The following IL1RAPL2 variants were observed in gnomAD, a reference collection of about 807,000 sequenced individuals.
The protein encoded by IL1RAPL2 is X-linked interleukin-1 receptor accessory protein-like 2.
In IL1RAPL2, 3 loss-of-function variants were observed where a neutral mutation model predicts 44.1. That is an observed-to-expected ratio of 0.07 (90% confidence interval 0.03 to 0.18). The LOEUF is 0.18. Ranked by LOEUF, IL1RAPL2 falls within the 10% of genes least tolerant of loss-of-function variation. The probability of loss-of-function intolerance (pLI) is 1.00; values close to 1 mark genes in which losing one functional copy is unlikely to be tolerated. For synonymous variants in IL1RAPL2, 181 were observed against 178.8 expected, an observed-to-expected ratio of 1.01 and a Z score of -0.10; for missense variants, 391 against 496.4, an observed-to-expected ratio of 0.79 and a Z score of 2.02.
intron 2 of IL1RAPL2, among the ~76,000 whole-genome samples, chrX:104,986,902 C>T (rs2030571463): frequency 8.9e-6 from 1 of 112,202 alleles, no homozygotes; most frequent in Non-Finnish European, 1.9e-5. Flanking sequence ...TGGACCAATA[C>T]TTACTCTTCT....
intron 2 of IL1RAPL2, among the ~76,000 whole-genome samples, chrX:104,910,700 T>C (rs1924208638): frequency 8.9e-6 from 1 of 112,082 alleles, no homozygotes; most frequent in African/African-American, 3.2e-5. Flanking sequence ...TTGTTCCTAA[T>C]AGTTTTTAAA....
At chrX:105,746,029 T>C (rs996207642) in intron 8 of IL1RAPL2, among the ~76,000 whole-genome samples, 1 of 111,848 alleles carries the variant, frequency 8.9e-6, no homozygotes, top group African/African-American at 3.3e-5. Context: ...TTACAACATA[T>C]GCATTTTGAA....
intron 6 of IL1RAPL2, among the ~76,000 whole-genome samples, chrX:105,603,326 G>A (rs1157696527): frequency 9.1e-6 from 1 of 109,566 alleles, no homozygotes; most frequent in Non-Finnish European, 1.9e-5. Context: ...CACTGAAAGT[G>A]AAGGGATGTA....
At chrX:105,539,705 G>A (rs1401229527) in intron 6 of IL1RAPL2, among the ~76,000 whole-genome samples, 1 of 111,521 alleles carries the variant, frequency 9.0e-6, no homozygotes, top group Non-Finnish European at 1.9e-5. Context: ...GCTCTGCACA[G>A]CAAAAGAAAC....
At chrX:105,323,603 C>T (rs1347272952) in intron 5 of IL1RAPL2, among the ~76,000 whole-genome samples, 8 of 111,622 alleles carry the variant, frequency 7.2e-5, no homozygotes, top group Non-Finnish European at 1.3e-4. Flanking sequence ...CAGCCAGGCG[C>T]GGTGGCTCAT....
intron 5 of IL1RAPL2, among the ~76,000 whole-genome samples, chrX:105,452,741 C>T (rs1238763374): frequency 9.0e-6 from 1 of 110,766 alleles, no homozygotes; most frequent in Non-Finnish European, 1.9e-5. Flanking sequence ...TCTCAAAGAA[C>T]CAGAATTCTC....
intron 5 of IL1RAPL2, among the ~76,000 whole-genome samples, chrX:105,415,150 A>G (rs997587488): frequency 5.4e-5 from 6 of 112,023 alleles, no homozygotes; most frequent in Non-Finnish European, 1.1e-4. Context: ...CTTTAAAATA[A>G]AAGATCTATT....
intron 6 of IL1RAPL2, among the ~76,000 whole-genome samples, chrX:105,505,223 T>A (rs2036423110): frequency 8.9e-6 from 1 of 111,849 alleles, no homozygotes; most frequent in Non-Finnish European, 1.9e-5. Context: ...TTAACTGATT[T>A]AACAAACACT....
chrX:105,471,088 T>C (rs1262008404), intron 5 of IL1RAPL2, among the ~76,000 whole-genome samples: 1 of 112,607 alleles, frequency 8.9e-6, no homozygotes, highest in Non-Finnish European at 1.9e-5. Flanking sequence ...TTCTCTTTAA[T>C]TGGCAAATCA....
At chrX:104,890,367 T>C (rs980399994) in intron 2 of IL1RAPL2, among the ~76,000 whole-genome samples, 3 of 111,811 alleles carry the variant, frequency 2.7e-5, no homozygotes, top group African/African-American at 6.5e-5. Flanking sequence ...TTTGAGGAAT[T>C]GCCACACTGT....
rs1226174537 is a variant in IL1RAPL2, at chrX:104,755,316, TTTG to T, written c.82+96323_82+96325del. 1.5e-4 allele frequency among the ~76,000 whole-genome samples: 17 copies of T among 109,817 alleles called. No individual in the cohort carries two copies. The South Asian group carries it at 5.6e-3, about 36-fold the overall frequency. On this transcript the variant is annotated intron_variant, in intron 2 of 10. Transcript: ENST00000372582. ...TACAGGCAAGGGCTATTATCACCAT[TTTG>T]TAGGCTAGGACACTGAGGCTCCAAG...
intron 2 of IL1RAPL2, among the ~76,000 whole-genome samples, chrX:104,900,806 A>G (rs1262388017): frequency 8.9e-6 from 1 of 112,099 alleles, no homozygotes; most frequent in Non-Finnish European, 1.9e-5. Flanking sequence ...GCATCAGTGG[A>G]GCAAGGAAAT....
intron 10 of IL1RAPL2, among the ~76,000 whole-genome samples, chrX:105,765,627 T>C (rs1471795724): frequency 8.9e-6 from 1 of 112,779 alleles, no homozygotes; most frequent in African/African-American, 3.2e-5. Flanking sequence ...ATTCTATGTG[T>C]ATCTCTTAAA....
At chrX:105,235,409 G>T (rs1207576224) in intron 4 of IL1RAPL2, among the ~76,000 whole-genome samples, 1 of 111,620 alleles carries the variant, frequency 9.0e-6, no homozygotes, top group Non-Finnish European at 1.9e-5. Flanking sequence ...TGTGTGTACT[G>T]TTGGAACCAA....
chrX:104,641,547 C>T (rs1929934675), intron 1 of IL1RAPL2, among the ~76,000 whole-genome samples: 1 of 111,496 alleles, frequency 9.0e-6, no homozygotes, highest in Non-Finnish European at 1.9e-5. Flanking sequence ...CTTTTATATT[C>T]TGGTCCCACT....
At chrX:105,475,041 A>G (rs1029252217) in intron 5 of IL1RAPL2, among the ~76,000 whole-genome samples, 3 of 111,522 alleles carry the variant, frequency 2.7e-5, no homozygotes, top group African/African-American at 9.8e-5. Context: ...CAGTTTTCTT[A>G]TCTGTCAAAT....
rs1035724458 is a variant in IL1RAPL2 at position 105,664,700 on chromosome X, A to C, written c.773-52667A>C. On this transcript the variant is annotated intron_variant, in intron 6 of 10. Coordinates refer to ENST00000372582, the MANE Select transcript of IL1RAPL2 (RefSeq NM_017416.2). ...GTCTCTAATCTAGCCTCTGGATCAG[A>C]GGGCCATAACAACCTTTAAGGCTGA... 2.7e-5 allele frequency among the ~76,000 whole-genome samples: 3 copies of C among 111,960 alleles called. No homozygotes were observed. The East Asian group carries it at 8.4e-4, about 32-fold the overall frequency.
rs2032178317 is a variant in IL1RAPL2, at chrX:105,069,387, A to G, written c.83-126088A>G. On this transcript the variant is annotated intron_variant, in intron 2 of 10. Coordinates refer to ENST00000372582, the MANE Select transcript of IL1RAPL2 (RefSeq NM_017416.2). ...TTGGCTGTATAAATCTGGCCTGAAGATAATTTCTTTCTATTTACCAACATA... is the reference window on the plus strand; with the variant it reads ...TTGGCTGTATAAATCTGGCCTGAAGGTAATTTCTTTCTATTTACCAACATA... Among the ~76,000 whole-genome samples the G allele has an allele frequency of 3.5e-5, 4 of 112,964 alleles. No homozygotes were observed. In the South Asian group the frequency reaches 1.4e-3, roughly 41 times the overall value.
chrX:104,823,301 C>T (rs1424522338), intron 2 of IL1RAPL2, among the ~76,000 whole-genome samples: 2 of 110,885 alleles, frequency 1.8e-5, no homozygotes, highest in African/African-American at 6.6e-5. Context: ...TTCCTGTGTC[C>T]ATGTGTTCTC....
Sources: allele counts gnomAD v4.1 joint callset (sites outside exome capture counted in the v4.1 genomes callset), GRCh38; gene constraint gnomAD v4.1.1; transcripts MANE v1.5; gene names NCBI Gene and HGNC (gene_info 2026-07-23, HGNC 2026-07-21).